Variants in DACT2 observed in about 807,000 individuals in gnomAD.
The protein encoded by DACT2 is dapper homolog 2.
Under a neutral mutation model 22.2 loss-of-function variants are expected in DACT2, and 20 were observed. That is an observed-to-expected ratio of 0.90 (90% CI 0.63 to 1.31). The LOEUF (loss-of-function observed/expected upper bound fraction) is 1.31. Ranked by LOEUF, DACT2 falls within the 50% of genes most tolerant of loss-of-function variation. The pLI, the probability that DACT2 is intolerant of heterozygous loss-of-function variation, is 0.00. For missense variants in DACT2, 1,048 were observed against 1,061.4 expected, an observed-to-expected ratio of 0.99 and a Z score of 0.18; for synonymous variants, 463 against 479.8, an observed-to-expected ratio of 0.96 and a Z score of 0.46.
intron 1 of DACT2, among the ~76,000 whole-genome samples, chr6:168,313,930 G>T (rs1317411727): frequency 6.6e-6 from 1 of 152,136 alleles, no homozygotes; most frequent in Non-Finnish European, 1.5e-5. Context: ...GCACTCACAG[G>T]TTATTTATTA....
chr6:168,317,979 C>T, intron 1 of DACT2, among the ~76,000 whole-genome samples: 1 of 110,604 alleles, frequency 9.0e-6, no homozygotes, highest in Non-Finnish European at 2.2e-5. Flanking sequence ...ACCTCCCTTC[C>T]CATCACATGT....
Position 168,307,888 on chromosome 6 carries a change from G to A in DACT2, c.1869C>T (p.Ser623=). Residue 623 remains serine, a synonymous_variant, in exon 4 of 4, where the codon AGC becomes AGT. Coordinates refer to ENST00000366795, the MANE Select transcript of DACT2 (RefSeq NM_214462.5). This position sits in a 1 kb window ranked among gnomAD's most constrained non-coding sequence, Gnocchi z 5.3. The part of the protein sequence containing the change: ...VEISARARLA[S]CPESNLGPPR... Reference sequence around the variant, plus strand: ...GGGGCCCCAGGTTAGACTCAGGACAGCTGGCCAGGCGGGCCCGGGCCGAGA... The same window carrying A: ...GGGGCCCCAGGTTAGACTCAGGACAACTGGCCAGGCGGGCCCGGGCCGAGA... 1 of 1,494,468 alleles carries A rather than the reference G, an allele frequency of 6.7e-7. No individual in the cohort carries two copies. Among genetic ancestry groups the A allele is most frequent in the Non-Finnish European group, 8.9e-7 (1 of 1,126,160 alleles). The allele number at this position is 1,494,468 out of a possible 1,614,324, so 92.6% of individuals were successfully genotyped here. A position where few individuals can be genotyped will look rare whatever the true frequency, so the allele number is the denominator to read the frequency against.
chr6:168,308,053 G>A lies in DACT2; in HGVS notation c.1704C>T (p.Pro568=), dbSNP rs1562495291. ...GRSCSESTLY[P]MPVLVPLAVA... ...CTGCCAAGGGGACGAGGACAGGCAT[G>A]GGGTAGAGGGTGGACTCAGAACAGG... The change falls in exon 4 of 4, where the codon CCC becomes CCT. Residue 568 remains proline, a synonymous_variant. Coordinates refer to ENST00000366795, the MANE Select transcript of DACT2 (RefSeq NM_214462.5). 1 of 1,548,180 alleles carries A rather than the reference G, an allele frequency of 6.5e-7. No individual in the cohort carries two copies. The highest frequency in any genetic ancestry group is 8.7e-7 in the Non-Finnish European group (1 of 1,144,960).
At chr6:168,301,546 G>A (rs1000628454) in intron 3 of DACT2, among the ~76,000 whole-genome samples, 1 of 152,186 alleles carries the variant, frequency 6.6e-6, no homozygotes, top group Non-Finnish European at 1.5e-5. Flanking sequence ...GCTCCGGAGG[G>A]CCAAGACTTG....
intron 3 of DACT2, among the ~76,000 whole-genome samples, chr6:168,301,474 G>GA (rs1376476846): frequency 6.6e-6 from 1 of 152,198 alleles, no homozygotes; most frequent in East Asian, 1.9e-4. Context: ...GGCTCTCAGG[G>GA]AGCCACATTG....
At position 168,294,575 on chromosome 6, in the gene DACT2, G is replaced by GTATA. The variant is rs778559132; in HGVS notation, c.730+57_730+58insTATA. ...TGTGTGTGTGTATGTGTGTGTGTGTGTGTATATATATATATATATATATAT... is the reference window on the plus strand; with the variant it reads ...TGTGTGTGTGTATGTGTGTGTGTGTGTATATGTATATATATATATATATATATAT... On this transcript the variant is annotated intron_variant, in intron 4 of 5. Coordinates refer to the DACT2 transcript ENST00000366796. 1.1e-4 allele frequency: 37 copies of GTATA among 342,480 alleles called. No homozygotes were observed. In the African/African-American group the frequency reaches 1.5e-3, roughly 14 times the overall value. 21.2% of individuals were successfully genotyped at this position (342,480 alleles called of 1,614,324 possible).
In DACT2 at chr6:168,319,466, G is replaced by T. The variant is rs1383458505; in HGVS notation, c.168C>A (p.Ala56=). ...ALALQPPPAP[A]APCGPHGLHG... Reference sequence around the variant, plus strand: ...GGAGGCCGTGGGGGCCGCAGGGCGCGGCGGGCGCGGGCGGGGGCTGCAGGG... The same window carrying T: ...GGAGGCCGTGGGGGCCGCAGGGCGCTGCGGGCGCGGGCGGGGGCTGCAGGG... The change falls in exon 1 of 4, where the codon GCC becomes GCA. Residue 56 remains alanine, a synonymous_variant. Coordinates refer to ENST00000366795, the MANE Select transcript of DACT2 (RefSeq NM_214462.5). 2 of 1,203,334 alleles carry T rather than the reference G, an allele frequency of 1.7e-6. No homozygotes were observed. Among genetic ancestry groups the T allele is most frequent in the Admixed American group, 4.4e-5 (1 of 22,480 alleles). 74.5% of individuals were successfully genotyped at this position (1,203,334 alleles called of 1,614,324 possible).
At chr6:168,301,874 C>G (rs923826956) in intron 3 of DACT2, among the ~76,000 whole-genome samples, 1 of 152,252 alleles carries the variant, frequency 6.6e-6, no homozygotes, top group Non-Finnish European at 1.5e-5. Context: ...GAACTGGGAG[C>G]TATGGGATGA....
At chr6:168,294,188 G>C (rs1311946001) in exon 5 of DACT2, 2 of 702,944 alleles carry the variant, frequency 2.8e-6, no homozygotes, top group Non-Finnish European at 5.2e-6. Context: ...TCTCAAACCA[G>C]AACCTACACC....
chr6:168,293,098 G>A (rs967068370), exon 6 of DACT2: 1 of 152,178 alleles, frequency 6.6e-6, no homozygotes, highest in African/African-American at 2.4e-5. Flanking sequence ...TGGCCACGTG[G>A]GTTTGGTAAA....
At chr6:168,294,703 C>T in exon 4 of DACT2, 1 of 1,479,276 alleles carries the variant, frequency 6.8e-7, no homozygotes, top group Non-Finnish European at 8.9e-7. Context: ...CATTGCACAG[C>T]TCTGGTAAGA....
rs777510724 is a variant in DACT2 at position 168,308,081 on chromosome 6, C to T, written c.1676G>A (p.Arg559His). The T allele has an allele frequency of 4.3e-5, 67 of 1,544,054 alleles. 1 individual carries two copies. The highest frequency in any genetic ancestry group is 3.5e-4 in the South Asian group (29 of 83,214). ...RPALAWEAPGRSCSESTLYPM... is the reference protein window; with the variant it reads ...RPALAWEAPGHSCSESTLYPM... ...GTAGAGGGTGGACTCAGAACAGGAG[C>T]GCCCGGGTGCCTCCCAGGCCAGGGC... The change falls in exon 4 of 4, where the codon CGC becomes CAC. Residue 559 changes from arginine to histidine, a missense_variant. Transcript: ENST00000366795.
chr6:168,311,124 T>G (rs757199609), intron 2 of DACT2, 28 bp downstream of exon 2: 1 of 1,503,394 alleles, frequency 6.7e-7, no homozygotes, highest in South Asian at 1.2e-5. Flanking sequence ...CCTGCCCCTG[T>G]GTCCGGGAGG....
At position 168,307,919 on chromosome 6, in the gene DACT2, A is replaced by C; in HGVS notation, c.1838T>G (p.Val613Gly). Residue 613 changes from valine (V) to glycine (G), a missense_variant, in exon 4 of 4, where the codon GTG (valine) becomes GGG (glycine). Transcript: ENST00000366795. This position sits in a 1 kb window ranked among gnomAD's most constrained non-coding sequence, Gnocchi z 5.3. ...RRKHRRWQST[V>G]EISARARLAS... is the part of the protein sequence containing the mutation. ...CAGGCGGGCCCGGGCCGAGATCTCC[A>C]CGGTGGACTGCCAGCGGCGATGCTT... 1 of 1,545,604 alleles carries C rather than the reference A, an allele frequency of 6.5e-7. No individual in the cohort carries two copies. Among genetic ancestry groups the C allele is most frequent in the Non-Finnish European group, 8.7e-7 (1 of 1,146,760 alleles).
intron 4 of DACT2, chr6:168,294,587 A>ATATATATATATATATATG (rs775181431): frequency 1.7e-5 from 9 of 535,760 alleles, no homozygotes; most frequent in Admixed American, 4.3e-5. Flanking sequence ...GTATATATAT[A>ATATATATATATATATATG]TATATATATA....
intron 3 of DACT2, among the ~76,000 whole-genome samples, chr6:168,297,107 T>A (rs1354870907): frequency 1.3e-5 from 2 of 152,218 alleles, no homozygotes; most frequent in Non-Finnish European, 2.9e-5. Context: ...TATATCTGTT[T>A]GATTTGGCAC....
downstream of DACT2, among the ~76,000 whole-genome samples, chr6:168,305,615 C>T (rs1420371067): frequency 3.3e-5 from 5 of 152,132 alleles, no homozygotes; most frequent in African/African-American, 1.2e-4. Flanking sequence ...CCGGTAGCTA[C>T]AAAAACATGC....
downstream of DACT2, among the ~76,000 whole-genome samples, chr6:168,305,362 A>C (rs1779183230): frequency 6.6e-6 from 1 of 152,082 alleles, no homozygotes; most frequent in African/African-American, 2.4e-5. Context: ...AAAGACGGGC[A>C]CTGTCAGAAA....
downstream of DACT2, among the ~76,000 whole-genome samples, chr6:168,305,172 G>C (rs1373259142): frequency 2.0e-5 from 3 of 152,214 alleles, no homozygotes; most frequent in Admixed American, 6.5e-5. Context: ...TGGACTGTCA[G>C]ATCACTGAGG....
Sources: allele counts gnomAD v4.1 joint callset (sites outside exome capture counted in the v4.1 genomes callset), GRCh38; gene constraint gnomAD v4.1.1; non-coding constraint Gnocchi (gnomAD v3.1); transcripts MANE v1.5; gene names NCBI Gene and HGNC (gene_info 2026-07-23, HGNC 2026-07-21).